The following MB21D2 variants were observed in gnomAD, a reference collection of about 807,000 sequenced individuals.
The protein encoded by MB21D2 is nucleotidyltransferase MB21D2.
MB21D2 carries 9 observed loss-of-function variants against 33.3 expected under a neutral mutation model. The ratio of observed to expected loss-of-function variants is 0.27; its 90% CI spans 0.16 to 0.47. MB21D2 has a LOEUF of 0.47. Ranked by LOEUF, MB21D2 falls within the 20% of genes least tolerant of loss-of-function variation. MB21D2 has a pLI of 0.99. For missense variants in MB21D2, 540 were observed against 624.6 expected (o/e 0.86, Z 1.44); for synonymous variants, 241 against 236.3 (o/e 1.02, Z -0.18).
intron 1 of MB21D2, among the ~76,000 whole-genome samples, chr3:192,854,305 G>A (rs1712872101): frequency 1.3e-5 from 2 of 152,208 alleles, no homozygotes; most frequent in South Asian, 4.1e-4. Context: ...TTGTTAATAT[G>A]GGGAAAGATT....
At chr3:192,893,319 C>T (rs1226448944) in intron 1 of MB21D2, among the ~76,000 whole-genome samples, 2 of 152,198 alleles carry the variant, frequency 1.3e-5, no homozygotes, top group African/African-American at 2.4e-5. Context: ...GCCCTCAAAC[C>T]GACCACCACT....
At chr3:192,884,642 C>T (rs955224067) in intron 1 of MB21D2, among the ~76,000 whole-genome samples, 7 of 152,070 alleles carry the variant, frequency 4.6e-5, no homozygotes, top group Non-Finnish European at 1.0e-4. Flanking sequence ...GCTGGCATTA[C>T]AGGCGTGAGC....
intron 1 of MB21D2, among the ~76,000 whole-genome samples, chr3:192,872,629 A>G (rs1456210563): frequency 1.3e-5 from 2 of 152,060 alleles, no homozygotes; most frequent in Admixed American, 6.6e-5. Flanking sequence ...ATATTTCAAT[A>G]CAGAGAAAAG....
intron 1 of MB21D2, among the ~76,000 whole-genome samples, chr3:192,841,309 G>C (rs146420939): frequency 2.0e-5 from 3 of 152,324 alleles, no homozygotes; most frequent in African/African-American, 7.2e-5. Context: ...CCCCACCTTC[G>C]GGTATTCACA....
chr3:192,813,590 C>A (rs1425261984), intron 1 of MB21D2, among the ~76,000 whole-genome samples: 1 of 152,018 alleles, frequency 6.6e-6, no homozygotes, highest in Non-Finnish European at 1.5e-5. Flanking sequence ...CCATTTGTTC[C>A]CTATAATTAC....
chr3:192,828,631 T>TCC (rs1712240683), intron 1 of MB21D2, among the ~76,000 whole-genome samples: 2 of 38,448 alleles, frequency 5.2e-5, no homozygotes, highest in African/African-American at 3.5e-4. Flanking sequence ...TATATATATA[T>TCC]ATATATATAT....
chr3:192,844,435 C>T (rs918555333), intron 1 of MB21D2, among the ~76,000 whole-genome samples: 1 of 152,202 alleles, frequency 6.6e-6, no homozygotes, highest in Non-Finnish European at 1.5e-5. Context: ...AAAACCTCTG[C>T]CAATCTCTAG....
At chr3:192,877,626 G>A (rs1184338501) in intron 1 of MB21D2, among the ~76,000 whole-genome samples, 1 of 152,126 alleles carries the variant, frequency 6.6e-6, no homozygotes, top group Non-Finnish European at 1.5e-5. Context: ...ATGGTGTACT[G>A]TATAATCATA....
intron 1 of MB21D2, among the ~76,000 whole-genome samples, chr3:192,885,199 A>G (rs1260592998): frequency 6.6e-6 from 1 of 152,128 alleles, no homozygotes; most frequent in African/African-American, 2.4e-5. Context: ...ACAATAAAAC[A>G]TCCACAACTA....
chr3:192,905,635 C>CAAA (rs142676577), intron 1 of MB21D2, among the ~76,000 whole-genome samples: 80 of 84,978 alleles, frequency 9.4e-4, no homozygotes, highest in African/African-American at 3.7e-3. Flanking sequence ...CGCCCTGTCT[C>CAAA]AAAAAAAAAA....
At chr3:192,878,762 G>A (rs1262599730) in intron 1 of MB21D2, among the ~76,000 whole-genome samples, 3 of 152,120 alleles carry the variant, frequency 2.0e-5, no homozygotes, top group Non-Finnish European at 4.4e-5. Context: ...TCAGGATTTC[G>A]AGATCAGCCT....
At chr3:192,859,539 C>A (rs1339962127) in intron 1 of MB21D2, among the ~76,000 whole-genome samples, 1 of 152,148 alleles carries the variant, frequency 6.6e-6, no homozygotes, top group Admixed American at 6.6e-5. Flanking sequence ...ATCTAACATC[C>A]TACATGCACA....
At chr3:192,855,333 G>A (rs1007452066) in intron 1 of MB21D2, among the ~76,000 whole-genome samples, 3 of 152,160 alleles carry the variant, frequency 2.0e-5, no homozygotes, top group South Asian at 2.1e-4. Flanking sequence ...TCCTGGCCTC[G>A]TGATCTGCCT....
chr3:192,805,823 T>C (rs766530807), intron 1 of MB21D2, among the ~76,000 whole-genome samples: 1 of 152,272 alleles, frequency 6.6e-6, no homozygotes, highest in Non-Finnish European at 1.5e-5. Context: ...CGTAGATATT[T>C]AGCTCATGTT....
At chr3:192,816,414 G>C (rs780824853) in intron 1 of MB21D2, among the ~76,000 whole-genome samples, 3 of 152,134 alleles carry the variant, frequency 2.0e-5, no homozygotes, top group Non-Finnish European at 4.4e-5. Context: ...GGTGGTTTGA[G>C]GAGAAACTCT....
chr3:192,825,486 A>C (rs867163870), intron 1 of MB21D2, among the ~76,000 whole-genome samples: 7 of 152,364 alleles, frequency 4.6e-5, no homozygotes, highest in Middle Eastern at 6.8e-3. Context: ...AATAAAAAGA[A>C]AAAAATCAGA....
intron 1 of MB21D2, among the ~76,000 whole-genome samples, chr3:192,895,864 C>T (rs143406444): frequency 1.2e-3 from 187 of 152,210 alleles, no homozygotes; most frequent in African/African-American, 4.5e-3. Context: ...TCTCAAGTAG[C>T]TGGGACTACA....
At chr3:192,805,334 A>C (rs1711639055) in intron 1 of MB21D2, among the ~76,000 whole-genome samples, 1 of 152,244 alleles carries the variant, frequency 6.6e-6, no homozygotes, top group Admixed American at 6.5e-5. Context: ...CTGGAAATAC[A>C]GAAGACAAAA....
chr3:192,800,663 C>CA (rs148293910), intron 1 of MB21D2, among the ~76,000 whole-genome samples: 1,578 of 152,194 alleles, frequency 0.01, 30 homozygotes, highest in African/African-American at 0.036. Flanking sequence ...TGGAAATAAC[C>CA]ATAAAACCCG....
Sources: gnomAD v4.1 joint callset for allele counts (sites outside exome capture counted in the v4.1 genomes callset) on GRCh38, gnomAD v4.1.1 for gene constraint, MANE v1.5 for transcripts, NCBI Gene and HGNC (gene_info 2026-07-23, HGNC 2026-07-21) for gene names.